DLG5: variants seen among roughly 807,000 people sequenced by gnomAD.
DLG5 encodes the protein disks large homolog 5.
DLG5 carries 48 observed loss-of-function variants against 189.8 expected under a neutral mutation model. That is an observed-to-expected ratio of 0.25 (90% confidence interval 0.20 to 0.32). The LOEUF (loss-of-function observed/expected upper bound fraction) is 0.32. Ranked by LOEUF, DLG5 falls within the 10% of genes least tolerant of loss-of-function variation. DLG5 has a pLI of 1.00. For missense variants in DLG5, 2,160 were observed against 2,544.7 expected (o/e 0.85, Z 3.25); for synonymous variants, 1,016 against 1,054.1 (o/e 0.96, Z 0.70).
At chr10:77,795,813 G>A (rs1163780388) in intron 29 of DLG5, among the ~76,000 whole-genome samples, 1 of 152,188 alleles carries the variant, frequency 6.6e-6, no homozygotes, top group Non-Finnish European at 1.5e-5. Flanking sequence ...CCCCGCACCT[G>A]CCAGAGAGGA....
At chr10:77,934,865 T>G in the DLG5 span, among the ~76,000 whole-genome samples, 6 of 150,790 alleles carry the variant, frequency 4.0e-5, no homozygotes, top group South Asian at 2.1e-4. Flanking sequence ...TTTTTGTTTT[T>G]TTTTTTTTTT....
intron 5 of DLG5, 87 bp from the exon 6 acceptor site, chr10:77,843,793 G>C: frequency 6.4e-7 from 1 of 1,562,610 alleles, no homozygotes; most frequent in Middle Eastern, 1.7e-4. Flanking sequence ...ATCTGAGGGT[G>C]AGACTGATGA....
Position 77,820,350 on chromosome 10 carries a change from G to GGA in DLG5, c.3403-333_3403-332insTC, listed in dbSNP as rs1555548279. On this transcript the variant is annotated intron_variant, in intron 15 of 31. Transcript: ENST00000372391. The stretch of plus-strand genomic sequence containing the variant: ...GACAGAGTGAGACTCCATCTTAGGG[G>GGA]AAAAAAAAAAAAAAAACCAAACAGT... 772 of 144,172 alleles carry GGA rather than the reference G, an allele frequency of 5.4e-3. 4 individuals carry two copies. Among genetic ancestry groups the GGA allele is most frequent in the East Asian group, 0.011 (53 of 4,770 alleles). The allele number at this position is 144,172 out of a possible 1,614,324, so 8.9% of individuals were successfully genotyped here.
At chr10:77,812,123 G>A in intron 21 of DLG5, 66 bp from the exon 22 acceptor site, 1 of 1,599,298 alleles carries the variant, frequency 6.3e-7, no homozygotes, top group South Asian at 1.1e-5. Context: ...AGGCCCTGGG[G>A]ACTTGGGAGC....
rs751257561 is a variant in DLG5, at chr10:77,796,545, A to T, written c.5214T>A (p.Ala1738=). Residue 1738 remains alanine, a synonymous_variant, in exon 28 of 32, where the codon GCT becomes GCA. Coordinates refer to ENST00000372391, the MANE Select transcript of DLG5 (RefSeq NM_004747.4). The surrounding 1 kb of genome is among the most constrained non-coding windows in gnomAD (Gnocchi z 5.2). ...YQRVQKVDCT[A]LRPVLILGPL... is the part of the protein sequence containing the mutation. ...GCCCCAGAATCAGGACAGGCCTCAG[A>T]GCGGTGCAGTCCACCTTCTGGACCC... The T allele has an allele frequency of 6.2e-7, 1 of 1,614,116 alleles. No individual in the cohort carries two copies. The highest frequency in any genetic ancestry group is 1.7e-5 in the Admixed American group (1 of 60,028).
chr10:77,915,326 C>CAA (rs397847299), intron 1 of DLG5, among the ~76,000 whole-genome samples: 2 of 96,924 alleles, frequency 2.1e-5, no homozygotes, highest in African/African-American at 7.3e-5. Context: ...GATGCCGTTT[C>CAA]AAAAAAAAAA....
upstream of DLG5, chr10:77,926,958 G>T (rs1246205506): frequency 1.3e-5 from 5 of 379,716 alleles, no homozygotes; most frequent in Admixed American, 3.0e-5. This position sits in a 1 kb window ranked among gnomAD's most constrained non-coding sequence, Gnocchi z 5.2. Context: ...ACTCCCGGGA[G>T]AAAGTCGCCT....
intron 1 of DLG5, among the ~76,000 whole-genome samples, chr10:77,898,553 G>A (rs1004433469): frequency 6.6e-6 from 1 of 152,094 alleles, no homozygotes; most frequent in Admixed American, 6.5e-5. Flanking sequence ...GAAAAGGCCT[G>A]CCTCCTCCTG....
chr10:77,914,574 T>C (rs1250392933), intron 1 of DLG5, among the ~76,000 whole-genome samples: 1 of 152,170 alleles, frequency 6.6e-6, no homozygotes. Flanking sequence ...AGTGGACTCA[T>C]GACATTCAGA....
At chr10:77,919,774 T>G (rs1471722520) in intron 1 of DLG5, among the ~76,000 whole-genome samples, 1 of 152,022 alleles carries the variant, frequency 6.6e-6, no homozygotes, top group Non-Finnish European at 1.5e-5. Context: ...CCTTGGGAAC[T>G]TCAGACATCA....
intron 1 of DLG5, among the ~76,000 whole-genome samples, chr10:77,924,265 T>C (rs1423712828): frequency 2.0e-5 from 3 of 152,202 alleles, no homozygotes; most frequent in Non-Finnish European, 2.9e-5. Flanking sequence ...TAACTCTGCA[T>C]TGTGGTAAAA....
At chr10:77,859,073 G>A (rs1452903101) in intron 2 of DLG5, among the ~76,000 whole-genome samples, 3 of 151,982 alleles carry the variant, frequency 2.0e-5, no homozygotes, top group Non-Finnish European at 2.9e-5. Flanking sequence ...ACGGGGTATC[G>A]CTATGTTGCC....
intron 29 of DLG5, among the ~76,000 whole-genome samples, chr10:77,795,740 G>A (rs1340735747): frequency 1.3e-5 from 2 of 152,070 alleles, no homozygotes; most frequent in South Asian, 2.1e-4. Flanking sequence ...TGGGGACCCC[G>A]TTCCGGAATG....
At chr10:77,826,305 C>G (rs182119385) in intron 13 of DLG5, among the ~76,000 whole-genome samples, 1 of 152,304 alleles carries the variant, frequency 6.6e-6, no homozygotes, top group African/African-American at 2.4e-5. Flanking sequence ...AGGAATGACA[C>G]GCAGTTATAT....
intron 1 of DLG5, among the ~76,000 whole-genome samples, chr10:77,915,278 G>A (rs1846327121): frequency 6.6e-6 from 1 of 150,858 alleles, no homozygotes. Flanking sequence ...AGTGAACCAA[G>A]ATTGCACCAC....
intron 2 of DLG5, among the ~76,000 whole-genome samples, chr10:77,858,296 G>A (rs1236140972): frequency 6.6e-6 from 1 of 151,564 alleles, no homozygotes; most frequent in African/African-American, 2.4e-5. Flanking sequence ...AGAAACAAAA[G>A]AAATATGTAT....
At chr10:77,920,143 A>T (rs889577729) in intron 1 of DLG5, among the ~76,000 whole-genome samples, 4 of 152,202 alleles carry the variant, frequency 2.6e-5, no homozygotes, top group African/African-American at 9.7e-5. Context: ...GGAGATTCCC[A>T]GTTTTCTGGT....
chr10:77,866,450 G>T (rs1208531065), intron 2 of DLG5, among the ~76,000 whole-genome samples: 1 of 152,200 alleles, frequency 6.6e-6, no homozygotes, highest in African/African-American at 2.4e-5. Context: ...TGTGGTCAAT[G>T]AAAGGAGGCC....
At chr10:77,890,908 C>T (rs1231732803) in intron 1 of DLG5, among the ~76,000 whole-genome samples, 1 of 152,156 alleles carries the variant, frequency 6.6e-6, no homozygotes, top group East Asian at 1.9e-4. Context: ...CCAGCCTAAC[C>T]TGTCCACACC....
Sources: gnomAD v4.1 joint callset for allele counts (sites outside exome capture counted in the v4.1 genomes callset) on GRCh38, gnomAD v4.1.1 for gene constraint, Gnocchi (gnomAD v3.1) non-coding constraint, MANE v1.5 for transcripts, NCBI Gene and HGNC (gene_info 2026-07-23, HGNC 2026-07-21) for gene names.